GPR39: variants seen among roughly 807,000 people sequenced by gnomAD.
GPR39 encodes the protein G protein-coupled receptor 39.
In GPR39, 23 loss-of-function variants were observed where a neutral mutation model predicts 18.4. That is an observed-to-expected ratio of 1.25 (90% confidence interval 0.90 to 1.77). The LOEUF is 1.77. Ranked by LOEUF, GPR39 falls within the 40% of genes most tolerant of loss-of-function variation. The probability of loss-of-function intolerance (pLI) is 0.00; values close to 1 mark genes in which losing one functional copy is unlikely to be tolerated. For synonymous variants in GPR39, 280 were observed against 257.9 expected, an observed-to-expected ratio of 1.09 and a Z score of -0.82; for missense variants, 647 against 602.4, an observed-to-expected ratio of 1.07 and a Z score of -0.78.
intron 1 of GPR39, among the ~76,000 whole-genome samples, chr2:132,542,657 G>A (rs1679881790): frequency 6.6e-6 from 1 of 152,144 alleles, no homozygotes; most frequent in African/African-American, 2.4e-5. Flanking sequence ...AGGCTAGCCT[G>A]GTGTCCTTTC....
At position 132,554,164 on chromosome 2, in the gene GPR39, G is replaced by A. The variant is rs898572043; in HGVS notation, c.857-90937G>A. Among the ~76,000 whole-genome samples the A allele has an allele frequency of 3.3e-5, 5 of 152,318 alleles. 1 individual carries two copies. Among genetic ancestry groups the A allele is most frequent in the Admixed American group, 2.6e-4 (4 of 15,306 alleles). On this transcript the variant is annotated intron_variant, in intron 1 of 1. Coordinates refer to ENST00000329321, the MANE Select transcript of GPR39 (RefSeq NM_001508.3). ...CAAGCTGAATGGAGTCAGTAGACAT[G>A]GAAAACTGGGAGCCGTGGTGGCCTT...
intron 1 of GPR39, among the ~76,000 whole-genome samples, chr2:132,525,513 C>A (rs369703186): frequency 6.6e-6 from 1 of 152,134 alleles, no homozygotes; most frequent in Non-Finnish European, 1.5e-5. Context: ...GAGTGAATCC[C>A]GGCCTGATTT....
intron 1 of GPR39, chr2:132,604,320 T>C (rs1170238752): frequency 6.6e-6 from 1 of 152,182 alleles, no homozygotes; most frequent in Non-Finnish European, 1.5e-5. Flanking sequence ...AAGTTCTTTG[T>C]TTAAACTACC....
chr2:132,582,410 G>GT (rs1306874904), intron 1 of GPR39, among the ~76,000 whole-genome samples: 1 of 152,212 alleles, frequency 6.6e-6, no homozygotes, highest in Non-Finnish European at 1.5e-5. Context: ...TTTCAGGCAG[G>GT]TTTTATTTAC....
At chr2:132,577,155 GA>G (rs1248545757) in intron 1 of GPR39, among the ~76,000 whole-genome samples, 3 of 151,602 alleles carry the variant, frequency 2.0e-5, no homozygotes, top group Non-Finnish European at 2.9e-5. Context: ...TCAGGAGTTC[GA>G]GACCAGCCTG....
intron 1 of GPR39, among the ~76,000 whole-genome samples, chr2:132,428,043 G>C (rs561270384): frequency 6.6e-6 from 1 of 150,752 alleles, no homozygotes; most frequent in South Asian, 2.1e-4. Context: ...CCTTGATAGG[G>C]GTGACAAATG....
At chr2:132,495,135 T>G (rs1681615318) in intron 1 of GPR39, among the ~76,000 whole-genome samples, 1 of 151,884 alleles carries the variant, frequency 6.6e-6, no homozygotes, top group African/African-American at 2.4e-5. Flanking sequence ...GTTCAGGGGG[T>G]TGTATAGGGG....
chr2:132,586,037 C>T (rs1482977338), intron 1 of GPR39, among the ~76,000 whole-genome samples: 2 of 140,314 alleles, frequency 1.4e-5, no homozygotes, highest in Non-Finnish European at 1.5e-5. Flanking sequence ...TTTGTGGCGT[C>T]TGATTCACGG....
chr2:132,586,281 T>C (rs1680730727), intron 1 of GPR39, among the ~76,000 whole-genome samples: 1 of 152,110 alleles, frequency 6.6e-6, no homozygotes, highest in Non-Finnish European at 1.5e-5. Flanking sequence ...GAGAGCAGCC[T>C]GTCGGTGATT....
intron 1 of GPR39, among the ~76,000 whole-genome samples, chr2:132,547,309 C>T (rs868273697): frequency 6.6e-6 from 1 of 152,142 alleles, no homozygotes; most frequent in South Asian, 2.1e-4. Flanking sequence ...AATGCACGTA[C>T]ATTAATTCCG....
At chr2:132,562,190 G>A (rs779121894) in intron 1 of GPR39, among the ~76,000 whole-genome samples, 74 of 151,700 alleles carry the variant, frequency 4.9e-4, no homozygotes, top group African/African-American at 9.7e-4. Flanking sequence ...TGATTCCATC[G>A]TGCATCCAAG....
intron 1 of GPR39, among the ~76,000 whole-genome samples, chr2:132,603,329 C>T (rs1681078631): frequency 6.6e-6 from 1 of 152,098 alleles, no homozygotes; most frequent in Admixed American, 6.5e-5. Context: ...AAAAAATTGA[C>T]ATCATAGAAG....
At chr2:132,499,823 T>A (rs1678979536) in intron 1 of GPR39, among the ~76,000 whole-genome samples, 1 of 152,096 alleles carries the variant, frequency 6.6e-6, no homozygotes, top group Admixed American at 6.6e-5. Context: ...ATTGTATTTA[T>A]TTATTTATTT....
chr2:132,642,770 G>A (rs1681878393), intron 1 of GPR39, among the ~76,000 whole-genome samples: 1 of 152,114 alleles, frequency 6.6e-6, no homozygotes, highest in African/African-American at 2.4e-5. Flanking sequence ...AACCTCCCAT[G>A]GTGTAGCACA....
chr2:132,438,628 AT>A (rs1208497070), intron 1 of GPR39, among the ~76,000 whole-genome samples: 8 of 148,628 alleles, frequency 5.4e-5, no homozygotes, highest in African/African-American at 1.5e-4. Context: ...AGAAAAAAAA[AT>A]ATGCGACAGT....
At chr2:132,643,730 G>T (rs1052925695) in intron 1 of GPR39, among the ~76,000 whole-genome samples, 1 of 152,136 alleles carries the variant, frequency 6.6e-6, no homozygotes, top group African/African-American at 2.4e-5. Context: ...ATGTTGCCTA[G>T]GTGGGTCTCA....
chr2:132,417,393 C>CT lies in GPR39; in HGVS notation c.352dup (p.Cys118LeufsTer15). The CT allele has an allele frequency of 5.6e-6, 9 of 1,614,202 alleles. No individual in the cohort carries two copies. The highest frequency in any genetic ancestry group is 7.6e-6 in the Non-Finnish European group (9 of 1,180,030). On this transcript the variant is annotated frameshift_variant, in exon 1 of 2. Coordinates refer to ENST00000329321, the MANE Select transcript of GPR39 (RefSeq NM_001508.3). LOFTEE classifies it high-confidence loss of function. ...AGCTGCACACTTTCCTCTTCGAGGC[C>CT]TGCAGCTACGCTACGCTGCTGCACG...
intron 1 of GPR39, among the ~76,000 whole-genome samples, chr2:132,540,211 A>T (rs1465804061): frequency 1.3e-5 from 2 of 151,864 alleles, no homozygotes; most frequent in Non-Finnish European, 2.9e-5. Context: ...TCCAATGCAA[A>T]ATATAAAACT....
chr2:132,542,731 C>T (rs1176769501), intron 1 of GPR39, among the ~76,000 whole-genome samples: 1 of 151,572 alleles, frequency 6.6e-6, no homozygotes, highest in East Asian at 1.9e-4. Context: ...AAACATCAAG[C>T]TCCCAGTTGC....
Sources: allele counts gnomAD v4.1 joint callset (sites outside exome capture counted in the v4.1 genomes callset), GRCh38; gene constraint gnomAD v4.1.1; transcripts MANE v1.5; gene names NCBI Gene and HGNC (gene_info 2026-07-23, HGNC 2026-07-21).